ADAMTSL1: variants seen among roughly 807,000 people sequenced by gnomAD.
ADAMTSL1 encodes ADAMTS like 1.
In ADAMTSL1, 126 loss-of-function variants were observed where a neutral mutation model predicts 201.8. That is an observed-to-expected ratio of 0.62 (90% CI 0.54 to 0.72). The LOEUF (loss-of-function observed/expected upper bound fraction) is 0.72. Ranked by LOEUF, ADAMTSL1 falls within the 30% of genes least tolerant of loss-of-function variation. The pLI, the probability that ADAMTSL1 is intolerant of heterozygous loss-of-function variation, is 0.00. For missense variants in ADAMTSL1, 2,679 were observed against 2,277.8 expected (o/e 1.18, Z -3.59); for synonymous variants, 1,121 against 903.4 (o/e 1.24, Z -4.32).
chr9:18,575,390 A>G (rs909230462), intron 4 of ADAMTSL1, among the ~76,000 whole-genome samples: 1 of 152,172 alleles, frequency 6.6e-6, no homozygotes, highest in Non-Finnish European at 1.5e-5. Context: ...CTTATATACA[A>G]GAGATATATG....
chr9:18,402,123 C>T (rs1818010578), intron 2 of ADAMTSL1, among the ~76,000 whole-genome samples: 1 of 152,100 alleles, frequency 6.6e-6, no homozygotes, highest in South Asian at 2.1e-4. Flanking sequence ...CTGAGTTTCC[C>T]CTGAAACCAT....
intron 26 of ADAMTSL1, among the ~76,000 whole-genome samples, chr9:18,899,871 T>C (rs1274262744): frequency 2.6e-5 from 4 of 152,116 alleles, no homozygotes; most frequent in Admixed American, 6.5e-5. Context: ...ATTCAGAACA[T>C]AGGCATAGGC....
intron 2 of ADAMTSL1, among the ~76,000 whole-genome samples, chr9:18,276,621 C>G (rs766070789): frequency 9.2e-5 from 14 of 152,184 alleles, no homozygotes; most frequent in Non-Finnish European, 1.9e-4. Flanking sequence ...AAGCGTGCTG[C>G]CAGCACCTGC....
At chr9:18,589,403 TG>T (rs1199404422) in intron 4 of ADAMTSL1, among the ~76,000 whole-genome samples, 10 of 152,322 alleles carry the variant, frequency 6.6e-5, no homozygotes, top group African/African-American at 2.4e-4. Context: ...AAAAACACTA[TG>T]GATTTTTGTA....
At chr9:18,536,099 T>C (rs1385586303) in intron 3 of ADAMTSL1, among the ~76,000 whole-genome samples, 1 of 152,148 alleles carries the variant, frequency 6.6e-6, no homozygotes, top group Admixed American at 6.5e-5. Context: ...TTTTCTTGCT[T>C]TTAGTGATAA....
intron 1 of ADAMTSL1, among the ~76,000 whole-genome samples, chr9:18,114,157 G>A (rs1032572736): frequency 1.3e-5 from 2 of 152,086 alleles, no homozygotes; most frequent in African/African-American, 4.8e-5. Flanking sequence ...TAACAGGAAG[G>A]CTGAAGATAC....
intron 10 of ADAMTSL1, among the ~76,000 whole-genome samples, chr9:18,676,348 G>A (rs1564141136): frequency 6.6e-6 from 1 of 151,760 alleles, no homozygotes; most frequent in Non-Finnish European, 1.5e-5. Flanking sequence ...TCTGCATAGG[G>A]GCTTTAAATG....
At chr9:18,802,435 AC>A (rs1414366911) in intron 20 of ADAMTSL1, among the ~76,000 whole-genome samples, 1 of 152,096 alleles carries the variant, frequency 6.6e-6, no homozygotes, top group Non-Finnish European at 1.5e-5. Context: ...CCATAAATCT[AC>A]CTAATCTTGA....
intron 1 of ADAMTSL1, among the ~76,000 whole-genome samples, chr9:17,991,565 C>G (rs938815069): frequency 4.6e-4 from 70 of 152,072 alleles, no homozygotes; most frequent in African/African-American, 1.7e-3. Context: ...TGGTATAGTT[C>G]AAGTCTTTCA....
At position 18,582,863 on chromosome 9, in the gene ADAMTSL1, T is replaced by TAAAATAAAATA. The variant is rs201292243; in HGVS notation, c.474+8600_474+8601insATAAAATAAAA. On this transcript the variant is annotated intron_variant, in intron 4 of 28. Transcript: ENST00000380548. ...GACTCCATCTCAAAATAAAATAAAA[T>TAAAATAAAATA]AAATAAAATAAAATAAAATAAAATA... Among the ~76,000 whole-genome samples the TAAAATAAAATA allele has an allele frequency of 1.2e-4, 18 of 147,826 alleles. 1 individual carries two copies. The highest frequency in any genetic ancestry group is 3.9e-4 in the East Asian group (2 of 5,078).
intron 4 of ADAMTSL1, among the ~76,000 whole-genome samples, chr9:18,580,566 A>G (rs915970029): frequency 3.3e-5 from 5 of 152,200 alleles, no homozygotes; most frequent in African/African-American, 1.2e-4. Context: ...GATAAAACTA[A>G]CTACTACTTA....
At chr9:18,025,612 T>G (rs550790065) in intron 1 of ADAMTSL1, among the ~76,000 whole-genome samples, 93 of 152,282 alleles carry the variant, frequency 6.1e-4, no homozygotes, top group African/African-American at 2.2e-3. Context: ...TTGGTCTATG[T>G]GTCTGTTTTT....
At chr9:18,553,119 T>A (rs952158115) in intron 3 of ADAMTSL1, among the ~76,000 whole-genome samples, 2 of 151,514 alleles carry the variant, frequency 1.3e-5, no homozygotes, top group Non-Finnish European at 3.0e-5. Context: ...AAAATTAGAC[T>A]TATTTCTGCC....
At chr9:18,644,159 T>C (rs2132842006) in intron 7 of ADAMTSL1, among the ~76,000 whole-genome samples, 1 of 152,066 alleles carries the variant, frequency 6.6e-6, no homozygotes, top group East Asian at 1.9e-4. Flanking sequence ...TTTCATTAAT[T>C]TCTTTTTTGA....
At chr9:18,465,453 C>G (rs1820967285) in intron 2 of ADAMTSL1, among the ~76,000 whole-genome samples, 1 of 152,132 alleles carries the variant, frequency 6.6e-6, no homozygotes. Flanking sequence ...TTCAAGGTTA[C>G]TTCGTGGTTC....
intron 2 of ADAMTSL1, among the ~76,000 whole-genome samples, chr9:18,282,537 AATTTAT>A (rs1832829227): frequency 3.3e-5 from 5 of 152,174 alleles, no homozygotes; most frequent in Admixed American, 3.3e-4. Flanking sequence ...AGCTCTTTAA[AATTTAT>A]TCAGGCTTGC....
At chr9:18,295,586 C>T (rs1262393331) in intron 2 of ADAMTSL1, among the ~76,000 whole-genome samples, 5 of 152,128 alleles carry the variant, frequency 3.3e-5, no homozygotes, top group South Asian at 4.1e-4. Context: ...GATCTGCCTG[C>T]GTCGGCCTCC....
At chr9:18,641,695 G>C (rs993731972) in intron 7 of ADAMTSL1, among the ~76,000 whole-genome samples, 1 of 151,616 alleles carries the variant, frequency 6.6e-6, no homozygotes, top group Non-Finnish European at 1.5e-5. Flanking sequence ...AGTACGTACA[G>C]AAAAAAAGAA....
At chr9:18,643,975 C>T (rs549385939) in intron 7 of ADAMTSL1, among the ~76,000 whole-genome samples, 56 of 151,756 alleles carry the variant, frequency 3.7e-4, no homozygotes, top group African/African-American at 7.7e-4. Flanking sequence ...TTGGGTAGTA[C>T]GGACATTTAA....
Sources: allele counts gnomAD v4.1 joint callset (sites outside exome capture counted in the v4.1 genomes callset), GRCh38; gene constraint gnomAD v4.1.1; transcripts MANE v1.5; gene names NCBI Gene and HGNC (gene_info 2026-07-23, HGNC 2026-07-21).